Variants in MEGF6 observed in about 807,000 individuals in gnomAD.
MEGF6 encodes multiple EGF like domains 6, also known as multiple epidermal growth factor-like domains protein 6.
Under a neutral mutation model 207.1 loss-of-function variants are expected in MEGF6, and 184 were observed. The observed-to-expected ratio is 0.89, with a 90% confidence interval of 0.79 to 1.00. MEGF6 has a LOEUF of 1.00. MEGF6 is among the 50% of genes least tolerant of loss of function. The pLI, the probability that MEGF6 is intolerant of heterozygous loss-of-function variation, is 0.00. For synonymous variants in MEGF6, 1,038 were observed against 910.0 expected (o/e 1.14, Z -2.53); for missense variants, 2,282 against 2,202.9 (o/e 1.04, Z -0.72).
intron 4 of MEGF6, among the ~76,000 whole-genome samples, chr1:3,528,890 G>A (rs998183802): frequency 1.3e-5 from 2 of 152,188 alleles, no homozygotes; most frequent in South Asian, 2.1e-4. Flanking sequence ...AATCCGTGCT[G>A]TCCTAAGTGC....
At chr1:3,606,579 C>T (rs1005954077) in intron 1 of MEGF6, among the ~76,000 whole-genome samples, 2 of 152,172 alleles carry the variant, frequency 1.3e-5, no homozygotes, top group African/African-American at 2.4e-5. Context: ...AAAGGGCTCC[C>T]GACAGCCCTC....
intron 4 of MEGF6, among the ~76,000 whole-genome samples, chr1:3,527,126 C>T (rs564733024): frequency 2.6e-4 from 39 of 152,344 alleles, no homozygotes; most frequent in African/African-American, 8.7e-4. Context: ...GGCCTTCCCA[C>T]CACCCTCCGG....
At position 3,510,000 on chromosome 1, in the gene MEGF6, CGACCCGG is replaced by C; in HGVS notation, c.1235-15_1235-9del. The C allele has an allele frequency of 6.3e-7, 1 of 1,580,526 alleles. No homozygotes were observed. Among genetic ancestry groups the C allele is most frequent in the Non-Finnish European group, 8.5e-7 (1 of 1,170,898 alleles). Reference sequence around the variant, plus strand: ...AGGCGCACTCATCCACATCTGCGGGCGACCCGGGACCACTGAGGCCTGTGCTCCCAGG... The same window carrying C: ...AGGCGCACTCATCCACATCTGCGGGCGACCACTGAGGCCTGTGCTCCCAGG... On this transcript the variant is annotated splice_polypyrimidine_tract_variant and intron_variant, in intron 10 of 36. Transcript: ENST00000356575.
At position 3,499,674 on chromosome 1, in the gene MEGF6, C is replaced by T; in HGVS notation, c.2879G>A (p.Cys960Tyr). Residue 960 changes from cysteine (C) to tyrosine (Y), a missense_variant, in exon 23 of 37, where the codon TGC becomes TAC. Cys to Tyr is a radical substitution (Grantham distance 194, BLOSUM62 -2). Transcript: ENST00000356575. Reference sequence around the variant, plus strand: ...ACAGGCAGCTCCGGCGGTGCAGTTGCAGGCACTGCGACAGTCCAATCCAAA... The same window carrying T: ...ACAGGCAGCTCCGGCGGTGCAGTTGTAGGCACTGCGACAGTCCAATCCAAA... ...GFFGLDCRSA[C>Y]NCTAGAACDA... 1 of 1,600,318 alleles carries T rather than the reference C, an allele frequency of 6.2e-7. No homozygotes were observed. Among genetic ancestry groups the T allele is most frequent in the Non-Finnish European group, 8.5e-7 (1 of 1,174,584 alleles).
intron 3 of MEGF6, among the ~76,000 whole-genome samples, chr1:3,582,380 C>T (rs1041677466): frequency 6.6e-6 from 1 of 152,170 alleles, no homozygotes; most frequent in African/African-American, 2.4e-5. Context: ...GATCATTCAC[C>T]TGCATCCCGT....
At chr1:3,517,763 C>T (rs996075649) in intron 5 of MEGF6, among the ~76,000 whole-genome samples, 3 of 152,226 alleles carry the variant, frequency 2.0e-5, no homozygotes, top group Non-Finnish European at 4.4e-5. Flanking sequence ...GCCCATCAGA[C>T]GTGGACTGGG....
At position 3,507,942 on chromosome 1, in the gene MEGF6, A is replaced by G. The variant is rs1641176702; in HGVS notation, c.1661-19T>C. The G allele has an allele frequency of 4.4e-6, 7 of 1,606,180 alleles. No homozygotes were observed. Among genetic ancestry groups the G allele is most frequent in the Non-Finnish European group, 6.0e-6 (7 of 1,174,968 alleles). On this transcript the variant is annotated intron_variant, in intron 13 of 36. Transcript: ENST00000356575. Reference sequence around the variant, plus strand: ...GGACAAGCTACAAAGAATGACAGGGAAGCGTCAGGGTCACCAGCCAGCACG... The same window carrying G: ...GGACAAGCTACAAAGAATGACAGGGGAGCGTCAGGGTCACCAGCCAGCACG...
chr1:3,580,374 C>T (rs1174091715), intron 3 of MEGF6, among the ~76,000 whole-genome samples: 1 of 152,204 alleles, frequency 6.6e-6, no homozygotes, highest in Non-Finnish European at 1.5e-5. Flanking sequence ...AGGTTGGCCC[C>T]AGCCCCGGGA....
rs758347319 is a variant in MEGF6, at chr1:3,499,854, G to A, written c.2778C>T (p.Asp926=). ...RCQCQHGAAC[D]HVSGACTCPA... Reference sequence around the variant, plus strand: ...GGCAGGTGCAGGCCCCGCTGACGTGGTCACAGGCTGCTCCATGCTGACACT... The same window carrying A: ...GGCAGGTGCAGGCCCCGCTGACGTGATCACAGGCTGCTCCATGCTGACACT... Residue 926 remains aspartate (D), a synonymous_variant, in exon 22 of 37, where the codon GAC becomes GAT. Transcript: ENST00000356575. The A allele has an allele frequency of 4.5e-6, 7 of 1,555,266 alleles. No individual in the cohort carries two copies. In the South Asian group the frequency reaches 4.7e-5, roughly 11 times the overall value.
chr1:3,606,089 T>C (rs1324057322), intron 1 of MEGF6, among the ~76,000 whole-genome samples: 1 of 152,214 alleles, frequency 6.6e-6, no homozygotes, highest in African/African-American at 2.4e-5. Flanking sequence ...GACAGGTGTT[T>C]TAAAGAACTA....
At chr1:3,586,722 C>T (rs1643898836) in intron 3 of MEGF6, among the ~76,000 whole-genome samples, 3 of 152,176 alleles carry the variant, frequency 2.0e-5, no homozygotes, top group African/African-American at 7.2e-5. Context: ...TGGAGGGCGG[C>T]CCGGGGTCCA....
At position 3,497,239 on chromosome 1, in the gene MEGF6, C is replaced by G; in HGVS notation, c.3475G>C (p.Glu1159Gln). ...CPPGFTGSGCEQACPPGSFGE... is the reference protein window; with the variant it reads ...CPPGFTGSGCQQACPPGSFGE... ...GGGGCTTGGGAGCACCTACCCTGCTCGCAGCCGGAGCCAGTGAAGCCAGGG... is the reference window on the plus strand; with the variant it reads ...GGGGCTTGGGAGCACCTACCCTGCTGGCAGCCGGAGCCAGTGAAGCCAGGG... The change falls in exon 27 of 37, where the codon GAG becomes CAG. Residue 1159 changes from glutamate (E) to glutamine (Q), a missense_variant. Coordinates refer to ENST00000356575, the MANE Select transcript of MEGF6 (RefSeq NM_001409.4). 1 of 1,492,738 alleles carries G rather than the reference C, an allele frequency of 6.7e-7. No individual in the cohort carries two copies. The highest frequency in any genetic ancestry group is 8.9e-7 in the Non-Finnish European group (1 of 1,123,560). 92.5% of individuals were successfully genotyped at this position (1,492,738 alleles called of 1,614,324 possible). A position where few individuals can be genotyped will look rare whatever the true frequency, so the allele number is the denominator to read the frequency against.
At chr1:3,502,676 G>T (rs928692767) in intron 17 of MEGF6, among the ~76,000 whole-genome samples, 6 of 152,140 alleles carry the variant, frequency 3.9e-5, no homozygotes, top group African/African-American at 1.4e-4. Context: ...GAACGTGGGG[G>T]CTGAGGATTG....
At chr1:3,529,483 G>A (rs1053927370) in intron 4 of MEGF6, among the ~76,000 whole-genome samples, 1 of 152,238 alleles carries the variant, frequency 6.6e-6, no homozygotes, top group Non-Finnish European at 1.5e-5. Flanking sequence ...GGTGAGAGAC[G>A]AGTGGGCTCA....
intron 1 of MEGF6, among the ~76,000 whole-genome samples, chr1:3,603,832 G>A (rs1644200640): frequency 6.9e-6 from 1 of 145,818 alleles, no homozygotes; most frequent in Non-Finnish European, 1.5e-5. Context: ...AGCCACCCTG[G>A]CCCCAGGCCA....
intron 2 of MEGF6, among the ~76,000 whole-genome samples, chr1:3,597,865 G>C (rs758267214): frequency 1.3e-5 from 2 of 152,218 alleles, no homozygotes; most frequent in African/African-American, 2.4e-5. Flanking sequence ...TGCAGCAGTG[G>C]CAGGAAACTC....
At chr1:3,557,413 C>T (rs559872209) in intron 4 of MEGF6, among the ~76,000 whole-genome samples, 14 of 152,314 alleles carry the variant, frequency 9.2e-5, no homozygotes, top group African/African-American at 2.4e-4. Context: ...CCCAGGGTGG[C>T]GAGGGCATCC....
At chr1:3,531,159 G>T in intron 4 of MEGF6, 5 of 1,525,890 alleles carry the variant, frequency 3.3e-6, no homozygotes, top group Non-Finnish European at 4.4e-6. Context: ...AGAGGTAGCG[G>T]TAGTGCGTGC....
Position 3,490,648 on chromosome 1 carries a change from C to T in MEGF6, c.4565-59G>A, listed in dbSNP as rs564643534. 3.2e-4 allele frequency: 495 copies of T among 1,555,480 alleles called. 2 individuals carry two copies. In the Middle Eastern group the frequency reaches 4.1e-3, roughly 13 times the overall value. The stretch of plus-strand genomic sequence containing the variant: ...GTGGGGCGGGTGCTCCCAGAACAGA[C>T]TGGGTTCTGGGTTGGCACCTCTCCC... On this transcript the variant is annotated intron_variant, in intron 36 of 36. Coordinates refer to ENST00000356575, the MANE Select transcript of MEGF6 (RefSeq NM_001409.4).
Sources: gnomAD v4.1 joint callset for allele counts (sites outside exome capture counted in the v4.1 genomes callset) on GRCh38, gnomAD v4.1.1 for gene constraint, MANE v1.5 for transcripts, NCBI Gene and HGNC (gene_info 2026-07-23, HGNC 2026-07-21) for gene names.